ATRNL1: variants seen among roughly 807,000 people sequenced by gnomAD.
ATRNL1 encodes attractin-like protein 1.
Under a neutral mutation model 182.7 loss-of-function variants are expected in ATRNL1, and 95 were observed. The observed-to-expected ratio is 0.52, with a 90% confidence interval of 0.44 to 0.62. The LOEUF (loss-of-function observed/expected upper bound fraction) is 0.62. Among genes scored for constraint, ATRNL1 ranks in the 20% least tolerant of loss-of-function variants. The probability of loss-of-function intolerance (pLI) is 0.00; values close to 1 mark genes in which losing one functional copy is unlikely to be tolerated. For synonymous variants in ATRNL1, 576 were observed against 568.3 expected (o/e 1.01, Z -0.19); for missense variants, 1,471 against 1,679.5 (o/e 0.88, Z 2.17).
intron 27 of ATRNL1, among the ~76,000 whole-genome samples, chr10:115,736,027 G>T (rs1947940095): frequency 6.6e-6 from 1 of 152,088 alleles, no homozygotes; most frequent in Non-Finnish European, 1.5e-5. Context: ...ACCTTTATTT[G>T]TTTTTAACCT....
At chr10:115,234,327 A>G (rs1326808767) in intron 9 of ATRNL1, among the ~76,000 whole-genome samples, 1 of 151,932 alleles carries the variant, frequency 6.6e-6, no homozygotes, top group East Asian at 1.9e-4. Context: ...TTCCCTTTTA[A>G]TTATTTTTAA....
chr10:115,536,743 C>A (rs1852043376), intron 25 of ATRNL1, among the ~76,000 whole-genome samples: 1 of 152,202 alleles, frequency 6.6e-6, no homozygotes. Context: ...TGTTCCTATT[C>A]AGCCATCTTG....
chr10:115,549,661 C>A (rs1234789866), intron 26 of ATRNL1, 125 bp downstream of exon 26: 2 of 545,276 alleles, frequency 3.7e-6, no homozygotes, highest in African/African-American at 3.9e-5. Flanking sequence ...TACTAATATT[C>A]AAAAATCACT....
At chr10:115,370,920 G>C (rs1554947865) in intron 19 of ATRNL1, among the ~76,000 whole-genome samples, 1 of 152,122 alleles carries the variant, frequency 6.6e-6, no homozygotes, top group African/African-American at 2.4e-5. Flanking sequence ...ATTTTTTGTA[G>C]GCCAGGCCCA....
intron 26 of ATRNL1, among the ~76,000 whole-genome samples, chr10:115,600,011 T>A (rs1408035383): frequency 6.6e-6 from 1 of 152,066 alleles, no homozygotes; most frequent in Non-Finnish European, 1.5e-5. Context: ...CAGGCAACCA[T>A]GCGTGTGCTT....
chr10:115,872,147 C>A (rs1184100533), intron 28 of ATRNL1, among the ~76,000 whole-genome samples: 1 of 152,296 alleles, frequency 6.6e-6, no homozygotes, highest in East Asian at 1.9e-4. Flanking sequence ...ATCTTTTCAG[C>A]TTATGTGGTA....
At chr10:115,898,142 G>T (rs1330938636) in intron 28 of ATRNL1, among the ~76,000 whole-genome samples, 1 of 152,048 alleles carries the variant, frequency 6.6e-6, no homozygotes, top group African/African-American at 2.4e-5. Context: ...GGCCAGGATG[G>T]TCTCAATCTC....
intron 13 of ATRNL1, among the ~76,000 whole-genome samples, chr10:115,276,827 A>G (rs1458316277): frequency 6.6e-6 from 1 of 152,104 alleles, no homozygotes; most frequent in African/African-American, 2.4e-5. Flanking sequence ...CCATTGATTA[A>G]CTTGGCTCTA....
intron 26 of ATRNL1, among the ~76,000 whole-genome samples, chr10:115,658,454 A>G (rs533832542): frequency 1.3e-4 from 20 of 152,218 alleles, no homozygotes; most frequent in African/African-American, 4.3e-4. Context: ...AAAATAGACT[A>G]TTCTATTAGT....
chr10:115,297,933 C>G (rs1554923249), intron 15 of ATRNL1, among the ~76,000 whole-genome samples: 1 of 151,878 alleles, frequency 6.6e-6, no homozygotes, highest in African/African-American at 2.4e-5. Flanking sequence ...AATGATTGAA[C>G]TAATAATTAT....
At chr10:115,634,543 T>A (rs1024378504) in intron 26 of ATRNL1, among the ~76,000 whole-genome samples, 4 of 152,302 alleles carry the variant, frequency 2.6e-5, no homozygotes, top group African/African-American at 9.6e-5. Flanking sequence ...TTAAGCCTAA[T>A]GGAGTTATAT....
In ATRNL1 at chr10:115,397,478, T is replaced by C. The variant is rs369234640; in HGVS notation, c.3269+2726T>C. Among the ~76,000 whole-genome samples, 184 of 152,146 alleles carry C rather than the reference T, an allele frequency of 1.2e-3. 2 individuals carry two copies. In the South Asian group the frequency reaches 0.021, roughly 17 times the overall value. On this transcript the variant is annotated intron_variant, in intron 20 of 28. Transcript: ENST00000355044. The stretch of plus-strand genomic sequence containing the variant: ...ATTATTTGTGTACTTGTCTGTGTCC[T>C]TTACTAGAGTGAACTTTTGGGGGGA...
intron 27 of ATRNL1, among the ~76,000 whole-genome samples, chr10:115,732,754 G>C (rs1947837046): frequency 6.6e-6 from 1 of 152,038 alleles, no homozygotes; most frequent in Non-Finnish European, 1.5e-5. Flanking sequence ...TATATATGCT[G>C]ATTTTCGTTC....
chr10:115,901,593 T>C (rs1952353546), intron 28 of ATRNL1, among the ~76,000 whole-genome samples: 1 of 152,138 alleles, frequency 6.6e-6, no homozygotes, highest in East Asian at 1.9e-4. Flanking sequence ...GTCCCTTTTA[T>C]GCTTTTGTCT....
At chr10:115,314,922 G>A (rs1554929070) in intron 17 of ATRNL1, among the ~76,000 whole-genome samples, 1 of 152,204 alleles carries the variant, frequency 6.6e-6, no homozygotes, top group African/African-American at 2.4e-5. Flanking sequence ...GGCTGAAGGA[G>A]AGTACCAGGT....
intron 26 of ATRNL1, among the ~76,000 whole-genome samples, chr10:115,572,352 T>C (rs1854445050): frequency 6.6e-6 from 1 of 151,774 alleles, no homozygotes; most frequent in Non-Finnish European, 1.5e-5. Flanking sequence ...GTAATAGAGG[T>C]GGAGAGACAG....
At chr10:115,362,220 A>T (rs879954108) in intron 19 of ATRNL1, among the ~76,000 whole-genome samples, 3 of 152,120 alleles carry the variant, frequency 2.0e-5, no homozygotes, top group Non-Finnish European at 4.4e-5. Flanking sequence ...TTATTTATAT[A>T]AAAAAGAAAC....
At chr10:115,706,373 G>GA (rs1443511560) in intron 26 of ATRNL1, among the ~76,000 whole-genome samples, 4 of 151,656 alleles carry the variant, frequency 2.6e-5, no homozygotes, top group South Asian at 2.1e-4. Context: ...GATGATCCAG[G>GA]AAAAAATCCC....
chr10:115,173,017 TTCTC>T (rs1847355058), intron 8 of ATRNL1, among the ~76,000 whole-genome samples: 1 of 151,926 alleles, frequency 6.6e-6, no homozygotes, highest in Non-Finnish European at 1.5e-5. Flanking sequence ...AAACACTTCC[TTCTC>T]TATCATCACT....
Sources: allele counts gnomAD v4.1 joint callset (sites outside exome capture counted in the v4.1 genomes callset), GRCh38; gene constraint gnomAD v4.1.1; transcripts MANE v1.5; gene names NCBI Gene and HGNC (gene_info 2026-07-23, HGNC 2026-07-21).